Variants in SRGAP2 observed in about 807,000 individuals in gnomAD.
The protein encoded by SRGAP2 is SLIT-ROBO Rho GTPase activating protein 2, also known as SLIT-ROBO Rho GTPase-activating protein 2.
A neutral mutation model predicts 57.2 loss-of-function variants in SRGAP2; 15 were observed. The observed-to-expected ratio is 0.26, with a 90% CI of 0.18 to 0.40. The LOEUF is 0.40. SRGAP2 is among the 10% of genes least tolerant of loss of function. The pLI is 1.00. For synonymous variants in SRGAP2, 249 were observed against 248.0 expected (o/e 1.00, Z -0.04); for missense variants, 520 against 669.6 (o/e 0.78, Z 2.47).
chr1:206,307,405 A>G (rs1250550765), intron 3 of SRGAP2, among the ~76,000 whole-genome samples: 2 of 152,236 alleles, frequency 1.3e-5, no homozygotes, highest in African/African-American at 4.8e-5. Context: ...TGGATCCCGC[A>G]CCGGGGCTGC....
chr1:206,449,254 C>A (rs1425374654), intron 18 of SRGAP2, among the ~76,000 whole-genome samples: 2 of 149,420 alleles, frequency 1.3e-5, no homozygotes, highest in Non-Finnish European at 3.0e-5. Context: ...CTAGTAACCT[C>A]TCTATCATTT....
At chr1:206,423,193 C>T (rs976086125) in intron 13 of SRGAP2, among the ~76,000 whole-genome samples, 6 of 152,190 alleles carry the variant, frequency 3.9e-5, no homozygotes, top group Non-Finnish European at 8.8e-5. Flanking sequence ...CTTCCCTGCT[C>T]CCTGTAACCT....
rs1349891748 is a variant in SRGAP2, at chr1:206,328,117, T to A, written c.261-14729T>A. Among the ~76,000 whole-genome samples, 3 of 121,336 alleles carry A rather than the reference T, an allele frequency of 2.5e-5. 1 individual carries two copies. The highest frequency in any genetic ancestry group is 1.3e-4 in the African/African-American group (3 of 22,748). The allele number at this position is 121,336 out of a possible 152,430, so 79.6% of individuals were successfully genotyped here. A position where few individuals can be genotyped will look rare whatever the true frequency, so the allele number is the denominator to read the frequency against. ...ATGATGGTTTCCAATTTCATCCATGTCCCTACAAAGGACATGAACTCATCA... is the reference window on the plus strand; with the variant it reads ...ATGATGGTTTCCAATTTCATCCATGACCCTACAAAGGACATGAACTCATCA... On this transcript the variant is annotated intron_variant, in intron 3 of 22. Transcript: ENST00000573034.
intron 14 of SRGAP2, among the ~76,000 whole-genome samples, chr1:206,433,489 A>C (rs2103302341): frequency 6.6e-6 from 1 of 152,226 alleles, no homozygotes; most frequent in South Asian, 2.1e-4. Flanking sequence ...AAATACAAAA[A>C]AATTAGCTGG....
intron 2 of SRGAP2, among the ~76,000 whole-genome samples, chr1:206,238,898 G>A (rs1668041975): frequency 6.8e-6 from 1 of 146,210 alleles, no homozygotes; most frequent in Admixed American, 6.8e-5. Context: ...CTGGATGCTT[G>A]TGAACAAGCT....
chr1:206,247,484 A>G (rs1224150832), intron 2 of SRGAP2, among the ~76,000 whole-genome samples: 4 of 151,984 alleles, frequency 2.6e-5, no homozygotes, highest in African/African-American at 9.7e-5. Context: ...GGGTGTTTCT[A>G]AGAGCAGCCT....
At chr1:206,326,060 T>C (rs1673854143) in intron 3 of SRGAP2, among the ~76,000 whole-genome samples, 1 of 149,448 alleles carries the variant, frequency 6.7e-6, no homozygotes, top group African/African-American at 2.5e-5. Context: ...GTGGGGATCA[T>C]CTGACTCCAG....
intron 10 of SRGAP2, among the ~76,000 whole-genome samples, chr1:206,414,198 C>A (rs925429231): frequency 7.9e-5 from 12 of 151,776 alleles, no homozygotes; most frequent in Non-Finnish European, 1.8e-4. Context: ...CCATGCCCGG[C>A]TAATTTTTGT....
At chr1:206,203,829 T>C (rs1553300057) in intron 1 of SRGAP2, 179 bp downstream of exon 1, 2 of 1,526,162 alleles carry the variant, frequency 1.3e-6, no homozygotes, top group Admixed American at 4.0e-5. Context: ...AATCTCCCAG[T>C]ACAGCCCATA....
At chr1:206,285,321 C>G (rs2102699842) in intron 2 of SRGAP2, among the ~76,000 whole-genome samples, 1 of 152,028 alleles carries the variant, frequency 6.6e-6, no homozygotes, top group Admixed American at 6.6e-5. Flanking sequence ...AGATACTGAG[C>G]TTGTCGCCTA....
intron 2 of SRGAP2, among the ~76,000 whole-genome samples, chr1:206,259,398 A>G: frequency 6.7e-6 from 1 of 148,708 alleles, no homozygotes. Flanking sequence ...GTGTGATGGC[A>G]TGATCATAGC....
Position 206,461,356 on chromosome 1 carries a change from C to A in SRGAP2, c.3152C>A (p.Ala1051Asp). 1 of 780,886 alleles carries A rather than the reference C, an allele frequency of 1.3e-6. No homozygotes were observed. Among genetic ancestry groups the A allele is most frequent in the Non-Finnish European group, 2.4e-6 (1 of 417,944 alleles). 48.4% of individuals were successfully genotyped at this position (780,886 alleles called of 1,614,324 possible). ...CCCACTGTCTTCCCCAAAACAAATG[C>A]CACTAGCCCTGGTGTCAACTCATCA... ...PKPTVFPKTN[A>D]TSPGVNSSTS... Residue 1051 changes from alanine (A) to aspartate (D), a missense_variant, in exon 23 of 23, where the codon GCC becomes GAC. This residue lies in a region of SRGAP2 where 478 missense variants were observed against 373.6 expected (regional missense o/e 1.28). Coordinates refer to ENST00000573034, the MANE Select transcript of SRGAP2 (RefSeq NM_015326.5).
At chr1:206,437,452 G>T (rs1232444993) in intron 15 of SRGAP2, among the ~76,000 whole-genome samples, 5 of 152,206 alleles carry the variant, frequency 3.3e-5, no homozygotes, top group South Asian at 4.1e-4. Flanking sequence ...CACTGTAATG[G>T]ATATATATAG....
intron 4 of SRGAP2, among the ~76,000 whole-genome samples, chr1:206,379,016 A>G (rs1553346081): frequency 6.6e-6 from 1 of 151,622 alleles, no homozygotes; most frequent in African/African-American, 2.4e-5. Flanking sequence ...TCTCTATAAA[A>G]GTTTTGCAAT....
chr1:206,381,490 C>T (rs1187029581), intron 4 of SRGAP2, among the ~76,000 whole-genome samples: 2 of 62,194 alleles, frequency 3.2e-5, no homozygotes, highest in African/African-American at 1.4e-4. Context: ...TTCAGTGGAG[C>T]TCAGCTTTCC....
At chr1:206,253,617 C>G (rs1332729380) in intron 2 of SRGAP2, among the ~76,000 whole-genome samples, 2 of 143,860 alleles carry the variant, frequency 1.4e-5, no homozygotes, top group Non-Finnish European at 3.0e-5. Context: ...ACTCCGTCCC[C>G]CAGGCTGGAG....
At chr1:206,420,893 C>CA (rs1660244697) in intron 12 of SRGAP2, among the ~76,000 whole-genome samples, 1 of 151,936 alleles carries the variant, frequency 6.6e-6, no homozygotes, top group Non-Finnish European at 1.5e-5. Context: ...TCCTAGCAGG[C>CA]AAAAAAATCT....
At chr1:206,422,273 T>A (rs1553364711) in intron 13 of SRGAP2, among the ~76,000 whole-genome samples, 2 of 152,244 alleles carry the variant, frequency 1.3e-5, no homozygotes, top group African/African-American at 4.8e-5. Flanking sequence ...GCTGGGGAAC[T>A]TGGATGATAC....
chr1:206,460,731 T>A (rs1328161066), intron 22 of SRGAP2, among the ~76,000 whole-genome samples: 3 of 152,150 alleles, frequency 2.0e-5, no homozygotes, highest in Non-Finnish European at 2.9e-5. Context: ...GTGTTTCTCT[T>A]CCCCACTAGA....
Sources: allele counts gnomAD v4.1 joint callset (sites outside exome capture counted in the v4.1 genomes callset), GRCh38; gene constraint gnomAD v4.1.1; regional missense constraint gnomAD v4.1.1; transcripts MANE v1.5; gene names NCBI Gene and HGNC (gene_info 2026-07-23, HGNC 2026-07-21).